Variants in PDZRN4 observed in about 807,000 individuals in gnomAD.
PDZRN4 encodes the protein PDZ domain containing ring finger 4.
Under a neutral mutation model 99.0 loss-of-function variants are expected in PDZRN4, and 70 were observed. The ratio of observed to expected loss-of-function variants is 0.71; its 90% CI spans 0.58 to 0.86. The LOEUF (loss-of-function observed/expected upper bound fraction) is 0.86. Among genes scored for constraint, PDZRN4 ranks in the 40% least tolerant of loss-of-function variants. The pLI is 0.00. For synonymous variants in PDZRN4, 551 were observed against 501.6 expected, an observed-to-expected ratio of 1.10 and a Z score of -1.32; for missense variants, 1,474 against 1,331.2, an observed-to-expected ratio of 1.11 and a Z score of -1.67.
At chr12:41,413,430 A>C (rs1952415227) in intron 3 of PDZRN4, among the ~76,000 whole-genome samples, 1 of 152,144 alleles carries the variant, frequency 6.6e-6, no homozygotes, top group Non-Finnish European at 1.5e-5. Context: ...GCTAGATAAA[A>C]GGAATAAGTT....
intron 3 of PDZRN4, among the ~76,000 whole-genome samples, chr12:41,287,555 G>T (rs1394418086): frequency 6.6e-6 from 1 of 152,162 alleles, no homozygotes; most frequent in African/African-American, 2.4e-5. Flanking sequence ...AAAATAACTT[G>T]CAGAACTGCA....
intron 3 of PDZRN4, among the ~76,000 whole-genome samples, chr12:41,364,100 C>T (rs1951980971): frequency 6.6e-6 from 1 of 151,946 alleles, no homozygotes; most frequent in Admixed American, 6.6e-5. Context: ...TTTGATTGCC[C>T]TCTGACAAGG....
chr12:41,198,153 A>G (rs1950790329), intron 3 of PDZRN4, among the ~76,000 whole-genome samples: 1 of 151,924 alleles, frequency 6.6e-6, no homozygotes, highest in Admixed American at 6.6e-5. Flanking sequence ...CCTGGGCTCA[A>G]GCGACCTGTC....
chr12:41,543,324 A>C (rs1366945739), intron 5 of PDZRN4, among the ~76,000 whole-genome samples: 2 of 152,174 alleles, frequency 1.3e-5, no homozygotes, highest in African/African-American at 4.8e-5. Context: ...CTTCAGAATT[A>C]AAAAGTGTGT....
At chr12:41,237,317 A>G (rs1371084259) in intron 3 of PDZRN4, among the ~76,000 whole-genome samples, 1 of 152,160 alleles carries the variant, frequency 6.6e-6, no homozygotes, top group Non-Finnish European at 1.5e-5. Context: ...AAATGGAAGT[A>G]TAAAACATCT....
intron 3 of PDZRN4, among the ~76,000 whole-genome samples, chr12:41,225,675 C>T (rs951253338): frequency 1.3e-5 from 2 of 152,106 alleles, no homozygotes; most frequent in Non-Finnish European, 2.9e-5. Context: ...TGTTAAGAGA[C>T]AACTGAATAT....
At chr12:41,364,276 AATT>A (rs1951982352) in intron 3 of PDZRN4, among the ~76,000 whole-genome samples, 1 of 152,066 alleles carries the variant, frequency 6.6e-6, no homozygotes, top group East Asian at 1.9e-4. Context: ...AGTGTTTAAT[AATT>A]ATTATCCAGT....
intron 3 of PDZRN4, among the ~76,000 whole-genome samples, chr12:41,284,525 C>CCAAAAAAAG (rs1283518832): frequency 6.6e-6 from 1 of 151,804 alleles, no homozygotes; most frequent in East Asian, 2.0e-4. Context: ...TCAAATGGAA[C>CCAAAAAAAG]CAAAAAAAGA....
At chr12:41,553,500 A>G (rs1050840018) in intron 6 of PDZRN4, among the ~76,000 whole-genome samples, 2 of 150,038 alleles carry the variant, frequency 1.3e-5, no homozygotes, top group African/African-American at 2.5e-5. Flanking sequence ...AAGATTGCCT[A>G]TGGCCAGGAG....
At chr12:41,317,949 G>GA (rs1281413088) in intron 3 of PDZRN4, among the ~76,000 whole-genome samples, 1 of 152,060 alleles carries the variant, frequency 6.6e-6, no homozygotes, top group African/African-American at 2.4e-5. Flanking sequence ...TTTGTAAGTT[G>GA]AAAAAAACCA....
rs571090870 is a variant in PDZRN4, at chr12:41,218,497, CA to C, written c.843+24317del. Reference sequence around the variant, plus strand: ...ATCTCATATTCTTGTGCTTTTGTTTCAAAAAAAATTTAATGTCTAGGAAAAT... The same window carrying C: ...ATCTCATATTCTTGTGCTTTTGTTTCAAAAAAATTTAATGTCTAGGAAAAT... On this transcript the variant is annotated intron_variant, in intron 3 of 9. Transcript: ENST00000402685. 3.7e-3 allele frequency among the ~76,000 whole-genome samples: 530 copies of C among 142,666 alleles called. 3 individuals are homozygous for C. Among genetic ancestry groups the C allele is most frequent in the Middle Eastern group, 6.8e-3 (2 of 292 alleles). 93.6% of individuals were successfully genotyped at this position (142,666 alleles called of 152,430 possible).
At chr12:41,454,230 C>G (rs750619829) in intron 3 of PDZRN4, among the ~76,000 whole-genome samples, 22 of 152,094 alleles carry the variant, frequency 1.4e-4, no homozygotes, top group Non-Finnish European at 7.4e-5. Context: ...AGCAAGATAT[C>G]TCTGCAATAC....
chr12:41,497,334 G>A (rs1008548217), intron 3 of PDZRN4, among the ~76,000 whole-genome samples: 13 of 152,066 alleles, frequency 8.5e-5, no homozygotes, highest in African/African-American at 3.1e-4. Flanking sequence ...TATTTCAAGT[G>A]TTTATTGTAT....
chr12:41,213,806 G>C (rs2120705485), intron 3 of PDZRN4, among the ~76,000 whole-genome samples: 1 of 152,074 alleles, frequency 6.6e-6, no homozygotes, highest in Middle Eastern at 3.4e-3. Flanking sequence ...ACAGAGCATT[G>C]GTTTGGAGCC....
intron 3 of PDZRN4, among the ~76,000 whole-genome samples, chr12:41,493,657 C>T (rs1163184590): frequency 6.6e-6 from 1 of 152,122 alleles, no homozygotes; most frequent in Non-Finnish European, 1.5e-5. Flanking sequence ...TACACTCCAG[C>T]TGCTGTCTTA....
At chr12:41,568,325 A>G (rs762422328) in intron 9 of PDZRN4, among the ~76,000 whole-genome samples, 37 of 152,200 alleles carry the variant, frequency 2.4e-4, no homozygotes, top group Non-Finnish European at 3.7e-4. Flanking sequence ...GATGAAGATG[A>G]CATGATGTAA....
At chr12:41,383,112 G>T (rs1033559238) in intron 3 of PDZRN4, among the ~76,000 whole-genome samples, 2 of 152,168 alleles carry the variant, frequency 1.3e-5, no homozygotes, top group South Asian at 4.1e-4. Flanking sequence ...ACCTGATTAT[G>T]CTTCTAGGTC....
intron 3 of PDZRN4, among the ~76,000 whole-genome samples, chr12:41,351,975 G>T (rs1226272728): frequency 4.9e-5 from 1 of 20,506 alleles, no homozygotes; most frequent in Non-Finnish European, 1.7e-4. Context: ...AGAGACCATT[G>T]TCTCAAAATA....
chr12:41,268,243 A>G (rs1436373490), intron 3 of PDZRN4, among the ~76,000 whole-genome samples: 1 of 152,170 alleles, frequency 6.6e-6, no homozygotes, highest in African/African-American at 2.4e-5. Flanking sequence ...AGATGAGGAG[A>G]CTTGAGAAAA....
Sources: gnomAD v4.1 joint callset for allele counts (sites outside exome capture counted in the v4.1 genomes callset) on GRCh38, gnomAD v4.1.1 for gene constraint, MANE v1.5 for transcripts, NCBI Gene and HGNC (gene_info 2026-07-23, HGNC 2026-07-21) for gene names.